The following RPS6KC1 variants were observed in gnomAD, a reference collection of about 807,000 sequenced individuals.
RPS6KC1 encodes the protein ribosomal protein S6 kinase C1, also known as inactive ribosomal protein S6 kinase delta-1.
RPS6KC1 carries 54 observed loss-of-function variants against 103.8 expected under a neutral mutation model. That is an observed-to-expected ratio of 0.52 (90% CI 0.42 to 0.65). The LOEUF is 0.65. Among genes scored for constraint, RPS6KC1 ranks in the 30% least tolerant of loss-of-function variants. The probability of loss-of-function intolerance (pLI) is 0.00; values close to 1 mark genes in which losing one functional copy is unlikely to be tolerated. For synonymous variants in RPS6KC1, 439 were observed against 438.7 expected (o/e 1.00, Z -0.01); for missense variants, 1,151 against 1,253.8 (o/e 0.92, Z 1.24).
chr1:213,693,034 C>G, the RPS6KC1 span, among the ~76,000 whole-genome samples: 1 of 152,184 alleles, frequency 6.6e-6, no homozygotes, highest in African/African-American at 2.4e-5. Context: ...TTAATGAGGA[C>G]AGCAGGATAT....
chr1:213,838,226 C>G, the RPS6KC1 span, among the ~76,000 whole-genome samples: 1 of 152,114 alleles, frequency 6.6e-6, no homozygotes, highest in East Asian at 1.9e-4. Context: ...TATATTTTTC[C>G]TTGAGAATAG....
chr1:213,077,862 T>TG, intron 3 of RPS6KC1, 46 bp downstream of exon 3: 1 of 1,180,792 alleles, frequency 8.5e-7, no homozygotes, highest in Admixed American at 2.6e-5. Flanking sequence ...TAATTAATTT[T>TG]GTATATATAC....
At chr1:213,391,060 C>T in the RPS6KC1 span, among the ~76,000 whole-genome samples, 1 of 152,084 alleles carries the variant, frequency 6.6e-6, no homozygotes. Context: ...ATACTCACCT[C>T]CTGAATTCAC....
chr1:213,482,854 G>A, the RPS6KC1 span, among the ~76,000 whole-genome samples: 1 of 151,904 alleles, frequency 6.6e-6, no homozygotes, highest in Non-Finnish European at 1.5e-5. Context: ...ACCACCTTGT[G>A]TTTTTTGAGA....
At chr1:213,305,916 T>C in the RPS6KC1 span, among the ~76,000 whole-genome samples, 1 of 152,238 alleles carries the variant, frequency 6.6e-6, no homozygotes, top group Non-Finnish European at 1.5e-5. Context: ...AAATTACTTT[T>C]GGCTGAGGTC....
At chr1:213,503,443 G>C in the RPS6KC1 span, among the ~76,000 whole-genome samples, 1 of 152,172 alleles carries the variant, frequency 6.6e-6, no homozygotes, top group African/African-American at 2.4e-5. Flanking sequence ...TGGTGACAAG[G>C]CATTCCCCTT....
the RPS6KC1 span, among the ~76,000 whole-genome samples, chr1:213,493,576 A>G: frequency 4.6e-5 from 7 of 152,200 alleles, no homozygotes; most frequent in Admixed American, 4.6e-4. Context: ...GAACGTACTT[A>G]ATGCTCTTCC....
chr1:213,261,465 A>C, intron 12 of RPS6KC1, 93 bp from the exon 13 acceptor site: 1 of 1,099,760 alleles, frequency 9.1e-7, no homozygotes, highest in Non-Finnish European at 1.4e-6. Context: ...ATGCTCTCTC[A>C]GCATTAAAAA....
intron 5 of RPS6KC1, among the ~76,000 whole-genome samples, chr1:213,122,341 T>G (rs2084484179): frequency 6.6e-6 from 1 of 152,158 alleles, no homozygotes; most frequent in African/African-American, 2.4e-5. Context: ...GTTGGTCTAA[T>G]TGGAAAGGTG....
At chr1:213,067,641 T>C (rs1030735197) in intron 1 of RPS6KC1, among the ~76,000 whole-genome samples, 1 of 152,078 alleles carries the variant, frequency 6.6e-6, no homozygotes, top group African/African-American at 2.4e-5. Flanking sequence ...GTTTGGGAAA[T>C]ACACCCTCCT....
the RPS6KC1 span, among the ~76,000 whole-genome samples, chr1:213,293,963 A>G: frequency 1.3e-5 from 2 of 152,192 alleles, no homozygotes; most frequent in Non-Finnish European, 2.9e-5. Context: ...GACAGTTTTT[A>G]ATTTTTCATA....
chr1:213,579,943 C>G, the RPS6KC1 span, among the ~76,000 whole-genome samples: 1 of 152,050 alleles, frequency 6.6e-6, no homozygotes, highest in African/African-American at 2.4e-5. Context: ...TGGAGATGTA[C>G]AAGGAGATGA....
chr1:213,201,222 G>A (rs987621818), intron 8 of RPS6KC1, among the ~76,000 whole-genome samples: 3 of 152,176 alleles, frequency 2.0e-5, no homozygotes, highest in African/African-American at 7.2e-5. Flanking sequence ...TTCTTCACTA[G>A]GTGAATGGGT....
chr1:213,686,236 T>C, the RPS6KC1 span, among the ~76,000 whole-genome samples: 1 of 152,244 alleles, frequency 6.6e-6, no homozygotes, highest in Non-Finnish European at 1.5e-5. Context: ...TTGTAGGCCT[T>C]CTTTGGCAGT....
At chr1:213,695,688 T>C in the RPS6KC1 span, among the ~76,000 whole-genome samples, 1 of 152,260 alleles carries the variant, frequency 6.6e-6, no homozygotes, top group Non-Finnish European at 1.5e-5. Flanking sequence ...GACTTCCCTC[T>C]TGGGGAGTTT....
At chr1:213,542,281 G>A in the RPS6KC1 span, among the ~76,000 whole-genome samples, 3 of 152,128 alleles carry the variant, frequency 2.0e-5, no homozygotes, top group Non-Finnish European at 4.4e-5. Flanking sequence ...AAGTCACCAG[G>A]TGAGGGAAAA....
intron 8 of RPS6KC1, among the ~76,000 whole-genome samples, chr1:213,177,105 T>A (rs998576641): frequency 3.9e-5 from 6 of 152,180 alleles, no homozygotes; most frequent in African/African-American, 1.4e-4. Flanking sequence ...CACACCCACA[T>A]GCATTTTAAT....
At chr1:213,117,460 CTA>C (rs1252813138) in intron 5 of RPS6KC1, 50 bp downstream of exon 5, 11 of 1,049,260 alleles carry the variant, frequency 1.0e-5, no homozygotes, top group African/African-American at 3.2e-5. Context: ...TTACAGAAGA[CTA>C]TAAATCATAT....
chr1:213,526,957 T>C, the RPS6KC1 span, among the ~76,000 whole-genome samples: 1 of 152,376 alleles, frequency 6.6e-6, no homozygotes, highest in Non-Finnish European at 1.5e-5. Context: ...TGAGGTTTTC[T>C]GGTACTGAGC....
Sources: allele counts gnomAD v4.1 joint callset (sites outside exome capture counted in the v4.1 genomes callset), GRCh38; gene constraint gnomAD v4.1.1; transcripts MANE v1.5; gene names NCBI Gene and HGNC (gene_info 2026-07-23, HGNC 2026-07-21).